GRK5: variants seen among roughly 807,000 people sequenced by gnomAD.
GRK5 encodes the protein g protein-coupled receptor kinase GRK5.
A neutral mutation model predicts 78.4 loss-of-function variants in GRK5; 40 were observed. The observed-to-expected ratio is 0.51, with a 90% CI of 0.40 to 0.66. The LOEUF (loss-of-function observed/expected upper bound fraction) is 0.66. GRK5 is among the 30% of genes least tolerant of loss of function. GRK5 has a pLI of 0.00. For missense variants in GRK5, 598 were observed against 759.9 expected (o/e 0.79, Z 2.50); for synonymous variants, 289 against 296.8 (o/e 0.97, Z 0.27).
At chr10:119,398,349 G>C (rs1852091804) in intron 4 of GRK5, among the ~76,000 whole-genome samples, 2 of 152,328 alleles carry the variant, frequency 1.3e-5, no homozygotes, top group Admixed American at 6.5e-5. Context: ...ACAGCTCCCT[G>C]GCTGGGCTCC....
intron 1 of GRK5, among the ~76,000 whole-genome samples, chr10:119,299,354 A>G (rs1160172318): frequency 2.0e-5 from 3 of 150,284 alleles, no homozygotes; most frequent in African/African-American, 7.4e-5. Context: ...AATCGCTTAA[A>G]CCTGGGAGGC....
intron 2 of GRK5, among the ~76,000 whole-genome samples, chr10:119,339,722 G>A (rs1850951825): frequency 6.6e-6 from 1 of 152,136 alleles, no homozygotes; most frequent in African/African-American, 2.4e-5. Flanking sequence ...GCGAAACCTA[G>A]TCTCTACTAA....
At chr10:119,354,573 T>C (rs1255193768) in intron 2 of GRK5, among the ~76,000 whole-genome samples, 1 of 152,124 alleles carries the variant, frequency 6.6e-6, no homozygotes, top group African/African-American at 2.4e-5. Flanking sequence ...GGCTAATTTT[T>C]GTATTTTTTG....
chr10:119,304,817 C>T (rs752754582), intron 1 of GRK5, among the ~76,000 whole-genome samples: 8 of 152,242 alleles, frequency 5.3e-5, no homozygotes, highest in Admixed American at 2.6e-4. Context: ...GCCCTGTGCA[C>T]GCAGATGCGG....
chr10:119,290,460 C>T (rs1478447145), intron 1 of GRK5, among the ~76,000 whole-genome samples: 1 of 151,730 alleles, frequency 6.6e-6, no homozygotes, highest in Non-Finnish European at 1.5e-5. Context: ...CGGACTTTTG[C>T]AATAGCCCCT....
chr10:119,314,445 G>T (rs1421012533), intron 1 of GRK5, among the ~76,000 whole-genome samples: 2 of 152,314 alleles, frequency 1.3e-5, no homozygotes, highest in South Asian at 4.1e-4. Flanking sequence ...AGCTGGTGGT[G>T]CCAGCCGCGG....
intron 13 of GRK5, 144 bp downstream of exon 13, chr10:119,448,404 C>A: frequency 1.1e-6 from 1 of 917,340 alleles, no homozygotes; most frequent in Non-Finnish European, 1.6e-6. Flanking sequence ...GGCCACTCCT[C>A]ACCTAAGCTG....
At chr10:119,385,332 G>A (rs1332077829) in intron 3 of GRK5, among the ~76,000 whole-genome samples, 2 of 151,928 alleles carry the variant, frequency 1.3e-5, no homozygotes, top group Non-Finnish European at 2.9e-5. Context: ...GGGTGGGTTC[G>A]TAGCTCATTG....
At chr10:119,434,453 G>T (rs1852881722) in intron 8 of GRK5, among the ~76,000 whole-genome samples, 3 of 152,242 alleles carry the variant, frequency 2.0e-5, no homozygotes. Context: ...AAATACAGCT[G>T]TTCCAAATGG....
At chr10:119,351,546 C>T (rs1325241586) in intron 2 of GRK5, among the ~76,000 whole-genome samples, 1 of 152,170 alleles carries the variant, frequency 6.6e-6, no homozygotes, top group Admixed American at 6.5e-5. Context: ...TGTGAGGCTT[C>T]CCTGGCCATG....
chr10:119,224,134 C>T (rs1440785023), intron 1 of GRK5, among the ~76,000 whole-genome samples: 1 of 152,138 alleles, frequency 6.6e-6, no homozygotes, highest in Non-Finnish European at 1.5e-5. Context: ...AGCCACTGCA[C>T]TCCAATCTGG....
intron 12 of GRK5, among the ~76,000 whole-genome samples, chr10:119,447,058 G>A (rs1171048603): frequency 6.6e-6 from 1 of 152,252 alleles, no homozygotes; most frequent in Non-Finnish European, 1.5e-5. Context: ...CAGAGGAGAA[G>A]AGAGAATCAC....
intron 1 of GRK5, among the ~76,000 whole-genome samples, chr10:119,235,620 G>C (rs1848912203): frequency 2.0e-5 from 3 of 152,144 alleles, no homozygotes; most frequent in African/African-American, 7.2e-5. Flanking sequence ...CAAAAAGCAT[G>C]AATCATTTGA....
chr10:119,319,635 C>T (rs1446509799), intron 1 of GRK5, among the ~76,000 whole-genome samples: 1 of 152,236 alleles, frequency 6.6e-6, no homozygotes, highest in Admixed American at 6.5e-5. Flanking sequence ...AAGGTAAACC[C>T]TGAACAGCAG....
chr10:119,294,050 G>A (rs1850033910), intron 1 of GRK5, among the ~76,000 whole-genome samples: 1 of 152,068 alleles, frequency 6.6e-6, no homozygotes, highest in Non-Finnish European at 1.5e-5. Context: ...AAATGAGGGA[G>A]GCTCAGCTTC....
intron 1 of GRK5, among the ~76,000 whole-genome samples, chr10:119,258,329 T>C (rs1409354053): frequency 1.3e-5 from 2 of 152,246 alleles, no homozygotes; most frequent in Non-Finnish European, 2.9e-5. Flanking sequence ...TATTCCCCAA[T>C]TGAAGGATGT....
At chr10:119,251,262 C>T (rs1849194742) in intron 1 of GRK5, among the ~76,000 whole-genome samples, 1 of 152,156 alleles carries the variant, frequency 6.6e-6, no homozygotes, top group East Asian at 1.9e-4. Context: ...AACAAAGAGC[C>T]ATGATTTCCT....
chr10:119,255,420 C>T (rs1018285213), intron 1 of GRK5, among the ~76,000 whole-genome samples: 3 of 152,214 alleles, frequency 2.0e-5, no homozygotes, highest in African/African-American at 4.8e-5. Context: ...CTCCAATGAC[C>T]TCTCCCTTCT....
chr10:119,314,139 G>GC (rs2133745623), intron 1 of GRK5, among the ~76,000 whole-genome samples: 1 of 152,360 alleles, frequency 6.6e-6, no homozygotes, highest in African/African-American at 2.4e-5. Flanking sequence ...GGTGTATGAT[G>GC]CCCCGGTTCG....
Sources: allele counts gnomAD v4.1 joint callset (sites outside exome capture counted in the v4.1 genomes callset), GRCh38; gene constraint gnomAD v4.1.1; transcripts MANE v1.5; gene names NCBI Gene and HGNC (gene_info 2026-07-23, HGNC 2026-07-21).